Variants in SLC25A14 observed in about 807,000 individuals in gnomAD.
SLC25A14 encodes the protein brain mitochondrial carrier protein 1.
In SLC25A14, 8 loss-of-function variants were observed where a neutral mutation model predicts 28.1. The observed-to-expected ratio is 0.28, with a 90% CI of 0.17 to 0.51. The LOEUF is 0.51. Ranked by LOEUF, SLC25A14 falls within the 20% of genes least tolerant of loss-of-function variation. SLC25A14 has a pLI of 0.97. For synonymous variants in SLC25A14, 74 were observed against 90.6 expected, an observed-to-expected ratio of 0.82 and a Z score of 1.04; for missense variants, 135 against 263.8, an observed-to-expected ratio of 0.51 and a Z score of 3.38.
chrX:130,358,827 T>A, intron 7 of SLC25A14, 92 bp downstream of exon 7: 1 of 727,992 alleles, frequency 1.4e-6, no homozygotes, highest in South Asian at 2.6e-5. Flanking sequence ...AATCGTGAAT[T>A]ATAATCCAAA....
chrX:130,364,774 C>T (rs563566373), intron 8 of SLC25A14, 22 bp downstream of exon 8: 3 of 1,194,434 alleles, frequency 2.5e-6, no homozygotes, highest in South Asian at 3.6e-5. Context: ...GGGATGTGCT[C>T]ATTTTATTTC....
chrX:130,345,294 AC>A lies in SLC25A14; in HGVS notation c.169+20del. The A allele has an allele frequency of 2.0e-6, 2 of 981,129 alleles. No individual in the cohort carries two copies. Among genetic ancestry groups the A allele is most frequent in the Non-Finnish European group, 2.9e-6 (2 of 685,129 alleles). 80.9% of individuals were successfully genotyped at this position (981,129 alleles called of 1,213,427 possible). On this transcript the variant is annotated intron_variant, in intron 3 of 10. Coordinates refer to ENST00000545805, the MANE Select transcript of SLC25A14 (RefSeq NM_001282195.2). ...GAGTTTGGTAAGAATGTGAGAAATGACAAATCTGCATTATACGGTATAGATG... is the reference window on the plus strand; with the variant it reads ...GAGTTTGGTAAGAATGTGAGAAATGAAAATCTGCATTATACGGTATAGATG...
chrX:130,370,374 G>C (rs1180455861), intron 9 of SLC25A14, among the ~76,000 whole-genome samples: 2 of 111,569 alleles, frequency 1.8e-5, no homozygotes, highest in Admixed American at 1.9e-4. Flanking sequence ...TATTGGAAAG[G>C]CAAAATAACA....
chrX:130,360,155 C>A (rs1313716545), intron 7 of SLC25A14, among the ~76,000 whole-genome samples: 1 of 107,366 alleles, frequency 9.3e-6, no homozygotes, highest in East Asian at 2.9e-4. Flanking sequence ...GATCCTCTGG[C>A]CTTGGCCTTA....
At chrX:130,364,108 G>A (rs2034052416) in intron 7 of SLC25A14, among the ~76,000 whole-genome samples, 1 of 111,661 alleles carries the variant, frequency 9.0e-6, no homozygotes, top group Non-Finnish European at 1.9e-5. Flanking sequence ...GTTTTGATTT[G>A]CATTTCTCTA....
chrX:130,350,956 T>G lies in SLC25A14; in HGVS notation c.498+225T>G, dbSNP rs927673317. Among the ~76,000 whole-genome samples, 10 of 111,631 alleles carry G rather than the reference T, an allele frequency of 9.0e-5. No individual in the cohort carries two copies. In the East Asian group the frequency reaches 2.8e-3, roughly 31 times the overall value. On this transcript the variant is annotated intron_variant, in intron 6 of 10. Transcript: ENST00000545805. Reference sequence around the variant, plus strand: ...ATAAACTGCCTATCATTGTACTTGGTGTAGTAGATGCTCAATAAATGGCAG... The same window carrying G: ...ATAAACTGCCTATCATTGTACTTGGGGTAGTAGATGCTCAATAAATGGCAG...
intron 7 of SLC25A14, chrX:130,358,961 GT>G: frequency 1.1e-6 from 1 of 902,994 alleles, no homozygotes; most frequent in Admixed American, 2.7e-5. Flanking sequence ...TGAGATGGCT[GT>G]TTCGATCATA....
rs1408620470 is a variant in SLC25A14, at chrX:130,371,546, G to C, written c.856-18G>C. ...GAAAGGTGAATTCACTCTGTTTTTG[G>C]TTATATCTTTCCTGCAGATGTGGAA... On this transcript the variant is annotated intron_variant, in intron 9 of 10. Coordinates refer to ENST00000545805, the MANE Select transcript of SLC25A14 (RefSeq NM_001282195.2). 1.5e-5 allele frequency: 18 copies of C among 1,178,726 alleles called. No homozygotes were observed. Among genetic ancestry groups the C allele is most frequent in the Non-Finnish European group, 2.1e-5 (18 of 866,431 alleles).
chrX:130,359,563 T>C (rs2124763284), intron 7 of SLC25A14, among the ~76,000 whole-genome samples: 1 of 110,137 alleles, frequency 9.1e-6, no homozygotes, highest in East Asian at 2.8e-4. Flanking sequence ...ACTTTGCTTT[T>C]CGTCATTGTT....
At chrX:130,350,504 T>A in intron 5 of SLC25A14, 142 bp from the exon 6 acceptor site, 1 of 303,865 alleles carries the variant, frequency 3.3e-6, no homozygotes, top group Non-Finnish European at 5.8e-6. Flanking sequence ...AATATTTGAG[T>A]TTCTTTATTT....
At position 130,358,032 on chromosome X, in the gene SLC25A14, C is replaced by T. The variant is rs978625744; in HGVS notation, c.499-608C>T. ...AGAGAAAAATGCTTACTTGTAGCCT[C>T]ACCACTCAGACATAAACCACTGTAA... On this transcript the variant is annotated intron_variant, in intron 6 of 10. Coordinates refer to ENST00000545805, the MANE Select transcript of SLC25A14 (RefSeq NM_001282195.2). Among the ~76,000 whole-genome samples the T allele has an allele frequency of 3.6e-5, 4 of 112,175 alleles. No homozygotes were observed. In the East Asian group the frequency reaches 8.3e-4, roughly 23 times the overall value.
intron 6 of SLC25A14, among the ~76,000 whole-genome samples, chrX:130,357,636 A>G (rs986074793): frequency 1.8e-5 from 2 of 112,280 alleles, no homozygotes; most frequent in Non-Finnish European, 3.8e-5. Flanking sequence ...CTTTCTGCAT[A>G]AAAGCATGTT....
rs183547586 is a variant in SLC25A14, at chrX:130,359,564, C to T, written c.594+829C>T. 4.4e-3 allele frequency among the ~76,000 whole-genome samples: 481 copies of T among 109,450 alleles called. 4 individuals are homozygous for T. Among genetic ancestry groups the T allele is most frequent in the African/African-American group, 0.015 (465 of 30,247 alleles). On this transcript the variant is annotated intron_variant, in intron 7 of 10. Coordinates refer to ENST00000545805, the MANE Select transcript of SLC25A14 (RefSeq NM_001282195.2). Reference sequence around the variant, plus strand: ...AGTCTTCTATCTATACTTTGCTTTTCGTCATTGTTGCTCTAACTTTTTAAT... The same window carrying T: ...AGTCTTCTATCTATACTTTGCTTTTTGTCATTGTTGCTCTAACTTTTTAAT...
intron 7 of SLC25A14, among the ~76,000 whole-genome samples, chrX:130,363,310 T>C (rs1483211464): frequency 8.9e-6 from 1 of 112,569 alleles, no homozygotes; most frequent in Non-Finnish European, 1.9e-5. Flanking sequence ...ATGTAGACTT[T>C]CGTGACTGGC....
intron 3 of SLC25A14, 135 bp from the exon 4 acceptor site, chrX:130,346,409 A>G (rs765240000): frequency 3.7e-4 from 180 of 491,121 alleles, no homozygotes; most frequent in Non-Finnish European, 5.8e-4. Flanking sequence ...TGACAGTGGT[A>G]TTCTACTAGA....
intron 3 of SLC25A14, among the ~76,000 whole-genome samples, 184 bp from the exon 4 acceptor site, chrX:130,346,360 T>C: frequency 8.9e-6 from 1 of 112,141 alleles, no homozygotes; most frequent in East Asian, 2.8e-4. Flanking sequence ...CTATGTATAG[T>C]ATAATGCATT....
intron 4 of SLC25A14, 128 bp downstream of exon 4, chrX:130,346,819 C>A: frequency 3.8e-6 from 2 of 526,406 alleles, no homozygotes; most frequent in Non-Finnish European, 6.1e-6. Flanking sequence ...TATTGATATG[C>A]CAGTTTATAT....
intron 4 of SLC25A14, among the ~76,000 whole-genome samples, chrX:130,348,499 G>T (rs2033513151): frequency 1.8e-5 from 2 of 110,266 alleles, no homozygotes; most frequent in South Asian, 7.6e-4. Context: ...TACTCTTATT[G>T]TCCTTTTAAT....
At chrX:130,358,510 T>G in intron 6 of SLC25A14, 130 bp from the exon 7 acceptor site, 1 of 432,086 alleles carries the variant, frequency 2.3e-6, no homozygotes, top group South Asian at 4.7e-5. Context: ...TAGCAGATAT[T>G]TTTCTGGGAT....
Sources: gnomAD v4.1 joint callset for allele counts (sites outside exome capture counted in the v4.1 genomes callset) on GRCh38, gnomAD v4.1.1 for gene constraint, MANE v1.5 for transcripts, NCBI Gene and HGNC (gene_info 2026-07-23, HGNC 2026-07-21) for gene names.